Variants in WWOX observed in about 807,000 individuals in gnomAD.
WWOX encodes WW domain containing oxidoreductase, also known as WW domain-containing oxidoreductase.
In WWOX, 69 loss-of-function variants were observed where a neutral mutation model predicts 46.2. The ratio of observed to expected loss-of-function variants is 1.49; its 90% CI spans 1.23 to 1.82. The LOEUF (loss-of-function observed/expected upper bound fraction) is 1.82, where lower values mean the gene tolerates loss of function less well. Among genes scored for constraint, WWOX ranks in the 40% most tolerant of loss-of-function variants. The probability of loss-of-function intolerance (pLI) is 0.00; values close to 1 mark genes in which losing one functional copy is unlikely to be tolerated. For synonymous variants in WWOX, 359 were observed against 202.6 expected (o/e 1.77, Z -6.56); for missense variants, 919 against 542.6 (o/e 1.69, Z -6.89).
intron 8 of WWOX, among the ~76,000 whole-genome samples, chr16:78,638,905 T>G (rs923172368): frequency 4.6e-5 from 7 of 152,160 alleles, no homozygotes; most frequent in Non-Finnish European, 8.8e-5. Context: ...AAAAGAACTT[T>G]GAAGAAAACC....
chr16:79,069,429 C>T (rs1359482033), intron 8 of WWOX, among the ~76,000 whole-genome samples: 1 of 152,076 alleles, frequency 6.6e-6, no homozygotes, highest in African/African-American at 2.4e-5. Context: ...GGTTTAAAGA[C>T]CTTTACATCT....
intron 5 of WWOX, among the ~76,000 whole-genome samples, chr16:78,217,680 A>T (rs1209345243): frequency 1.3e-5 from 2 of 152,180 alleles, no homozygotes; most frequent in East Asian, 1.9e-4. Flanking sequence ...TGTTTAACAC[A>T]TGCCTGAGAC....
At chr16:78,857,616 C>A (rs1408837036) in intron 8 of WWOX, among the ~76,000 whole-genome samples, 2 of 152,194 alleles carry the variant, frequency 1.3e-5, no homozygotes, top group South Asian at 2.1e-4. Context: ...CCTTTTGTAT[C>A]TAGCCTAACA....
intron 4 of WWOX, among the ~76,000 whole-genome samples, chr16:78,140,918 C>T (rs778797283): frequency 2.0e-5 from 3 of 152,108 alleles, no homozygotes; most frequent in Non-Finnish European, 4.4e-5. Flanking sequence ...ACAAGTCATT[C>T]GAAAGAAATA....
chr16:78,337,019 G>A (rs1275933945), intron 5 of WWOX, among the ~76,000 whole-genome samples: 2 of 152,068 alleles, frequency 1.3e-5, no homozygotes, highest in Admixed American at 6.6e-5. Context: ...GACCTCACGT[G>A]ATCCACCCGC....
chr16:78,688,749 G>A (rs2047919493), intron 8 of WWOX, among the ~76,000 whole-genome samples: 2 of 152,114 alleles, frequency 1.3e-5, no homozygotes, highest in African/African-American at 4.8e-5. Flanking sequence ...GATAGGGTTC[G>A]GCTGTGTCCC....
intron 8 of WWOX, among the ~76,000 whole-genome samples, chr16:78,582,297 TA>T (rs2045078663): frequency 6.6e-6 from 1 of 152,222 alleles, no homozygotes; most frequent in South Asian, 2.1e-4. Context: ...TGGATTATGT[TA>T]CGCTTGTCAT....
chr16:78,706,972 T>G (rs1404825088), intron 8 of WWOX, among the ~76,000 whole-genome samples: 1 of 152,110 alleles, frequency 6.6e-6, no homozygotes, highest in African/African-American at 2.4e-5. Flanking sequence ...ACAAACTGCC[T>G]TTGGAAGTGA....
intron 8 of WWOX, among the ~76,000 whole-genome samples, chr16:78,950,994 C>T (rs971355028): frequency 1.3e-5 from 2 of 152,200 alleles, no homozygotes; most frequent in Admixed American, 6.5e-5. Flanking sequence ...TCTTAATTCA[C>T]CACCCTGTTA....
intron 8 of WWOX, among the ~76,000 whole-genome samples, chr16:78,657,416 G>A (rs1027130433): frequency 6.6e-6 from 1 of 152,130 alleles, no homozygotes; most frequent in African/African-American, 2.4e-5. Flanking sequence ...GGGCCCTGCA[G>A]CATGTCAAGA....
chr16:79,150,083 A>G (rs912891817), intron 8 of WWOX, among the ~76,000 whole-genome samples: 1 of 152,238 alleles, frequency 6.6e-6, no homozygotes, highest in African/African-American at 2.4e-5. Context: ...AAGGCAGTTG[A>G]GAAGACTCAC....
intron 8 of WWOX, among the ~76,000 whole-genome samples, chr16:78,502,810 A>AT (rs535179864): frequency 2.0e-5 from 3 of 152,212 alleles, no homozygotes; most frequent in East Asian, 3.9e-4. Context: ...TACGTTGGTG[A>AT]TTTTTTTCAT....
At chr16:79,022,486 G>T (rs900358537) in intron 8 of WWOX, among the ~76,000 whole-genome samples, 1 of 151,760 alleles carries the variant, frequency 6.6e-6, no homozygotes, top group Non-Finnish European at 1.5e-5. Flanking sequence ...GCCTTTTCTC[G>T]GAGGAGCTGA....
At chr16:79,067,771 G>C (rs1362518419) in intron 8 of WWOX, among the ~76,000 whole-genome samples, 2 of 152,126 alleles carry the variant, frequency 1.3e-5, no homozygotes, top group South Asian at 2.1e-4. Context: ...GCACAGAAGT[G>C]GGTATTACTG....
At chr16:78,636,935 A>G (rs1218360182) in intron 8 of WWOX, among the ~76,000 whole-genome samples, 1 of 152,214 alleles carries the variant, frequency 6.6e-6, no homozygotes, top group African/African-American at 2.4e-5. Context: ...TTATCTGGTC[A>G]TAGAGGGTGG....
intron 8 of WWOX, among the ~76,000 whole-genome samples, chr16:78,861,543 G>A (rs1263656005): frequency 6.6e-6 from 1 of 152,040 alleles, no homozygotes; most frequent in Non-Finnish European, 1.5e-5. Context: ...ATTATATATT[G>A]TTATTCATAG....
intron 8 of WWOX, among the ~76,000 whole-genome samples, chr16:79,126,188 C>G (rs1479239695): frequency 1.3e-5 from 2 of 151,894 alleles, no homozygotes; most frequent in Admixed American, 6.6e-5. Flanking sequence ...AGGATGTGAG[C>G]TGAGGCTTGG....
At chr16:79,073,195 G>A (rs2048585175) in intron 8 of WWOX, among the ~76,000 whole-genome samples, 1 of 122,830 alleles carries the variant, frequency 8.1e-6, no homozygotes, top group African/African-American at 2.9e-5. Flanking sequence ...TATTATTACT[G>A]AGACACCGTT....
At chr16:78,568,108 C>A (rs912000084) in intron 8 of WWOX, among the ~76,000 whole-genome samples, 1 of 152,128 alleles carries the variant, frequency 6.6e-6, no homozygotes, top group African/African-American at 2.4e-5. Context: ...AAAATCCGTG[C>A]GGAATTTGAA....
Sources: allele counts gnomAD v4.1 joint callset (sites outside exome capture counted in the v4.1 genomes callset), GRCh38; gene constraint gnomAD v4.1.1; transcripts MANE v1.5; gene names NCBI Gene and HGNC (gene_info 2026-07-23, HGNC 2026-07-21).